Variants in NLK observed in about 807,000 individuals in gnomAD.
The protein encoded by NLK is serine/threonine-protein kinase NLK.
NLK carries 11 observed loss-of-function variants against 59.0 expected under a neutral mutation model. The observed-to-expected ratio is 0.19, with a 90% confidence interval of 0.12 to 0.31. NLK has a LOEUF of 0.31. Among genes scored for constraint, NLK ranks in the 10% least tolerant of loss-of-function variants. The pLI is 1.00. For synonymous variants in NLK, 235 were observed against 235.9 expected (o/e 1.00, Z 0.03); for missense variants, 410 against 661.1 (o/e 0.62, Z 4.16).
At chr17:28,192,997 A>G (rs777837803) in intron 10 of NLK, among the ~76,000 whole-genome samples, 3 of 152,250 alleles carry the variant, frequency 2.0e-5, no homozygotes, top group Non-Finnish European at 2.9e-5. Flanking sequence ...ACCAGGCTTC[A>G]TTCTCCTTGT....
intron 1 of NLK, among the ~76,000 whole-genome samples, chr17:28,076,005 G>A: frequency 6.6e-6 from 1 of 152,098 alleles, no homozygotes; most frequent in East Asian, 1.9e-4. Flanking sequence ...GCCCAGTTTT[G>A]TTGTCCTTTT....
At chr17:28,194,052 T>C (rs1909402563) in intron 10 of NLK, among the ~76,000 whole-genome samples, 1 of 152,236 alleles carries the variant, frequency 6.6e-6, no homozygotes, top group African/African-American at 2.4e-5. Flanking sequence ...TTACCTATAC[T>C]TCTCCATTAA....
At chr17:28,194,020 C>G (rs1260575831) in intron 10 of NLK, among the ~76,000 whole-genome samples, 2 of 152,140 alleles carry the variant, frequency 1.3e-5, no homozygotes, top group African/African-American at 4.8e-5. Context: ...AATAACAGAT[C>G]TAGATCACCA....
chr17:28,075,620 T>C (rs1216754626), intron 1 of NLK, among the ~76,000 whole-genome samples: 3 of 152,210 alleles, frequency 2.0e-5, no homozygotes, highest in African/African-American at 7.2e-5. Context: ...AAAAAGTGCC[T>C]CAACTTAAAA....
intron 3 of NLK, among the ~76,000 whole-genome samples, chr17:28,139,219 A>C (rs1906884312): frequency 6.6e-6 from 1 of 152,216 alleles, no homozygotes; most frequent in South Asian, 2.1e-4. Context: ...ACTGCACTTC[A>C]GCCTGGGTGA....
chr17:28,188,426 G>C (rs1338402397), intron 8 of NLK, among the ~76,000 whole-genome samples: 5 of 152,100 alleles, frequency 3.3e-5, no homozygotes, highest in Non-Finnish European at 5.9e-5. Flanking sequence ...TTAAAGAGAG[G>C]TTTGTTCTGA....
chr17:28,192,251 T>C (rs1415680140), intron 10 of NLK, 38 bp downstream of exon 10: 1 of 1,077,204 alleles, frequency 9.3e-7, no homozygotes, highest in Admixed American at 2.0e-5. Context: ...CTTGTTAGAA[T>C]TAAAAGGATG....
At chr17:28,137,248 A>G (rs1597703108) in intron 3 of NLK, among the ~76,000 whole-genome samples, 1 of 152,156 alleles carries the variant, frequency 6.6e-6, no homozygotes, top group South Asian at 2.1e-4. Context: ...TGCTTTTAAG[A>G]AACTATTTTT....
chr17:28,132,663 AT>A lies in NLK; in HGVS notation c.636del (p.Phe212LeufsTer10). 6.2e-7 allele frequency: 1 copy of A among 1,610,070 alleles called. No homozygotes were observed. The highest frequency in any genetic ancestry group is 8.5e-7 in the Non-Finnish European group (1 of 1,177,828). ...ATACTCCAACCTCCACACATTGACT[AT>A]TTTGAAGAAATGTATCCTAACCAGG... ...LDILQPPHID[Y>X]FEEIYVVTEL... On this transcript the variant is annotated frameshift_variant, in exon 3 of 11. Coordinates refer to ENST00000407008, the MANE Select transcript of NLK (RefSeq NM_016231.5). LOFTEE classifies it high-confidence loss of function.
At chr17:28,091,675 T>C (rs1904499578) in intron 1 of NLK, among the ~76,000 whole-genome samples, 1 of 152,136 alleles carries the variant, frequency 6.6e-6, no homozygotes, top group Non-Finnish European at 1.5e-5. Context: ...ATGACCAGAA[T>C]TTCCATAGTA....
At chr17:28,139,684 A>G (rs979775858) in intron 3 of NLK, among the ~76,000 whole-genome samples, 2 of 152,220 alleles carry the variant, frequency 1.3e-5, no homozygotes, top group African/African-American at 2.4e-5. Context: ...CTTTATTCAT[A>G]TCTCCAATTT....
intron 1 of NLK, among the ~76,000 whole-genome samples, chr17:28,078,887 T>A (rs1910255410): frequency 6.6e-6 from 1 of 152,212 alleles, no homozygotes; most frequent in Admixed American, 6.5e-5. Context: ...TTATGGATTC[T>A]TTTTATTGTT....
intron 3 of NLK, among the ~76,000 whole-genome samples, chr17:28,152,337 T>C (rs1297667649): frequency 6.6e-6 from 1 of 152,204 alleles, no homozygotes; most frequent in African/African-American, 2.4e-5. Context: ...CGTTTATAAA[T>C]TTATAAGTCA....
intron 3 of NLK, among the ~76,000 whole-genome samples, chr17:28,134,859 G>T (rs940116660): frequency 6.6e-6 from 1 of 152,200 alleles, no homozygotes; most frequent in South Asian, 2.1e-4. Context: ...TTAACCTAAG[G>T]GTAGAAGGAT....
chr17:28,050,934 A>G (rs1283669352), intron 1 of NLK, among the ~76,000 whole-genome samples: 1 of 151,860 alleles, frequency 6.6e-6, no homozygotes, highest in East Asian at 1.9e-4. Flanking sequence ...GTGAAATCTC[A>G]TCTCCACTAA....
intron 1 of NLK, among the ~76,000 whole-genome samples, chr17:28,060,521 C>G (rs1259107277): frequency 6.6e-6 from 1 of 152,174 alleles, no homozygotes; most frequent in Non-Finnish European, 1.5e-5. Flanking sequence ...ATCCTCCTGC[C>G]TCCGTCTTCC....
rs535344413 is a variant in NLK, at chr17:28,106,759, A to G, written c.459-15844A>G. On this transcript the variant is annotated intron_variant, in intron 1 of 10. Transcript: ENST00000407008. ...GTTTTCAACCAAATGAAAAAGAGAA[A>G]CATACTACAATAAAACTATACTACT... Among the ~76,000 whole-genome samples the G allele has an allele frequency of 2.5e-4, 38 of 152,314 alleles. No individual in the cohort carries two copies. The South Asian group carries it at 6.6e-3, about 27-fold the overall frequency.
intron 10 of NLK, among the ~76,000 whole-genome samples, chr17:28,193,675 T>C (rs1909390014): frequency 6.6e-6 from 1 of 152,202 alleles, no homozygotes; most frequent in African/African-American, 2.4e-5. Context: ...CTCCTTTTTC[T>C]CTCTTCCTGC....
At chr17:28,200,229 T>A (rs1056626908), downstream of NLK, among the ~76,000 whole-genome samples, 2 of 150,658 alleles carry the variant, frequency 1.3e-5, no homozygotes, top group African/African-American at 5.0e-5. Context: ...CTAAGAACTC[T>A]GCCTAAACTG....
Sources: gnomAD v4.1 joint callset for allele counts (sites outside exome capture counted in the v4.1 genomes callset) on GRCh38, gnomAD v4.1.1 for gene constraint, MANE v1.5 for transcripts, NCBI Gene and HGNC (gene_info 2026-07-23, HGNC 2026-07-21) for gene names.